Variants in DDX42 observed in about 807,000 individuals in gnomAD.
The protein encoded by DDX42 is DEAD-box helicase 42.
DDX42 carries 22 observed loss-of-function variants against 101.5 expected under a neutral mutation model. That is an observed-to-expected ratio of 0.22 (90% CI 0.15 to 0.31). The LOEUF (loss-of-function observed/expected upper bound fraction) is 0.31, where lower values mean the gene tolerates loss of function less well. Among genes scored for constraint, DDX42 ranks in the 10% least tolerant of loss-of-function variants. The pLI, the probability that DDX42 is intolerant of heterozygous loss-of-function variation, is 1.00. For missense variants in DDX42, 849 were observed against 1,199.9 expected, an observed-to-expected ratio of 0.71 and a Z score of 4.32; for synonymous variants, 402 against 401.2, an observed-to-expected ratio of 1.00 and a Z score of -0.02.
At chr17:63,809,449 T>G in intron 10 of DDX42, 111 bp from the exon 11 acceptor site, 1 of 787,924 alleles carries the variant, frequency 1.3e-6, no homozygotes, top group Admixed American at 2.2e-5. Context: ...GACCAGTATC[T>G]ATTACAGTCT....
At chr17:63,814,675 CTTTT>C (rs58211962) in intron 15 of DDX42, among the ~76,000 whole-genome samples, 5 of 90,456 alleles carry the variant, frequency 5.5e-5, no homozygotes, top group South Asian at 4.3e-4. Context: ...GAGACATTTG[CTTTT>C]TTTTTTTTTT....
At chr17:63,783,205 C>T (rs1222970571) in intron 1 of DDX42, among the ~76,000 whole-genome samples, 1 of 152,188 alleles carries the variant, frequency 6.6e-6, no homozygotes, top group East Asian at 1.9e-4. Flanking sequence ...ACTGTCTACT[C>T]CTTGAGAACA....
At position 63,807,868 on chromosome 17, in the gene DDX42, A is replaced by G. The variant is rs1419355723; in HGVS notation, c.991A>G (p.Ile331Val). ...LEPGDGPIAV[I>V]VCPTRELCQQ... ...ACCAGGTGATGGACCAATTGCAGTGATTGTGTGTCCTACCAGGGAGCTTTG... is the reference window on the plus strand; with the variant it reads ...ACCAGGTGATGGACCAATTGCAGTGGTTGTGTGTCCTACCAGGGAGCTTTG... The change falls in exon 9 of 18, where the codon ATT becomes GTT. Residue 331 changes from isoleucine (I) to valine (V), a missense_variant. Transcript: ENST00000389924. 6.2e-7 allele frequency: 1 copy of G among 1,613,890 alleles called. No homozygotes were observed. The highest frequency in any genetic ancestry group is 1.3e-5 in the African/African-American group (1 of 75,020).
intron 17 of DDX42, 70 bp downstream of exon 17, chr17:63,817,036 T>C: frequency 7.2e-7 from 1 of 1,383,550 alleles, no homozygotes; most frequent in Middle Eastern, 1.8e-4. Flanking sequence ...GGGGCTTAGT[T>C]TTCCTGGTTG....
chr17:63,797,228 G>A (rs981097535), intron 3 of DDX42, among the ~76,000 whole-genome samples: 5 of 151,736 alleles, frequency 3.3e-5, no homozygotes, highest in African/African-American at 7.3e-5. Flanking sequence ...GCTCATACCT[G>A]TAATCCCAGC....
At chr17:63,809,905 A>G (rs905123788) in intron 11 of DDX42, among the ~76,000 whole-genome samples, 3 of 152,118 alleles carry the variant, frequency 2.0e-5, no homozygotes, top group African/African-American at 7.2e-5. Flanking sequence ...CTCTGTCTTC[A>G]TTTTTATCCA....
In DDX42 at chr17:63,818,172, A is replaced by G. The variant is rs570187913; in HGVS notation, c.2591A>G (p.His864Arg). 3.1e-6 allele frequency: 5 copies of G among 1,613,994 alleles called. No individual in the cohort carries two copies. The highest frequency in any genetic ancestry group is 1.7e-5 in the Admixed American group (1 of 60,006). The part of the protein sequence containing the change: ...TDGHRHGENR[H>R]GGSAGRHGEN... ...GGCCATCGGCACGGGGAGAACAGACATGGAGGAAGCGCAGGCCGGCATGGG... is the reference window on the plus strand; with the variant it reads ...GGCCATCGGCACGGGGAGAACAGACGTGGAGGAAGCGCAGGCCGGCATGGG... Residue 864 changes from histidine (H) to arginine (R), a missense_variant, in exon 18 of 18, where the codon CAT becomes CGT. Physicochemically the swap from His to Arg is conservative, Grantham distance 29. Around this residue, in one of 5 missense-constraint regions of DDX42, gnomAD observed 300 missense variants for 304.9 expected, o/e 0.98. Coordinates refer to ENST00000389924, the MANE Select transcript of DDX42 (RefSeq NM_203499.3).
chr17:63,795,338 C>G (rs1490771386), intron 3 of DDX42, among the ~76,000 whole-genome samples: 1 of 152,138 alleles, frequency 6.6e-6, no homozygotes, highest in Non-Finnish European at 1.5e-5. Flanking sequence ...CACCATTTGT[C>G]ATTTCTCTTG....
intron 13 of DDX42, chr17:63,811,437 T>TA (rs1598341895): frequency 2.6e-6 from 1 of 388,644 alleles, no homozygotes; most frequent in Non-Finnish European, 4.6e-6. Flanking sequence ...TCTCAAAACT[T>TA]ACAATTGTTT....
chr17:63,786,300 A>G (rs923255577), intron 1 of DDX42, among the ~76,000 whole-genome samples: 2 of 151,974 alleles, frequency 1.3e-5, no homozygotes, highest in African/African-American at 4.8e-5. Context: ...TACAGTGGCT[A>G]TTCACAGGCA....
chr17:63,809,015 C>T (rs1007229329), intron 10 of DDX42, 67 bp downstream of exon 10: 5 of 1,579,658 alleles, frequency 3.2e-6, no homozygotes, highest in Admixed American at 1.8e-5. Context: ...ATTAGTTTTG[C>T]AGAGAATTTC....
intron 16 of DDX42, 141 bp downstream of exon 16, chr17:63,815,814 A>T: frequency 2.1e-6 from 1 of 482,534 alleles, no homozygotes; most frequent in South Asian, 3.4e-5. Context: ...ATCTGATTTG[A>T]GTCAATGCAG....
At chr17:63,780,316 A>G (rs1423914475) in intron 1 of DDX42, among the ~76,000 whole-genome samples, 7 of 151,476 alleles carry the variant, frequency 4.6e-5, no homozygotes, top group Non-Finnish European at 1.0e-4. Flanking sequence ...AAAAAAAAAA[A>G]GTAGGAAAAA....
At chr17:63,801,391 T>C (rs749408440) in intron 6 of DDX42, among the ~76,000 whole-genome samples, 9 of 152,064 alleles carry the variant, frequency 5.9e-5, no homozygotes, top group Non-Finnish European at 1.2e-4. Flanking sequence ...CGTTTTGGCC[T>C]GTGTTTACTG....
intron 2 of DDX42, among the ~76,000 whole-genome samples, chr17:63,788,510 G>A (rs1278841882): frequency 6.6e-6 from 1 of 151,180 alleles, no homozygotes; most frequent in East Asian, 2.0e-4. Flanking sequence ...GTTTCACCGT[G>A]TTAGCCACAA....
Position 63,792,492 on chromosome 17 carries a change from A to G in DDX42, c.302A>G (p.Gln101Arg). The change falls in exon 3 of 18, where the codon CAA (glutamine) becomes CGA (arginine). Residue 101 changes from glutamine to arginine, a missense_variant. This residue lies in a region of DDX42 where 370 missense variants were observed against 608.8 expected (regional missense o/e 0.61). Coordinates refer to ENST00000389924, the MANE Select transcript of DDX42 (RefSeq NM_203499.3). ...GCTGAAAACTCACCAACTCGCCAGCAATTCCATTCCAAGCCAGTAGATTCT... is the reference window on the plus strand; with the variant it reads ...GCTGAAAACTCACCAACTCGCCAGCGATTCCATTCCAAGCCAGTAGATTCT... Reference protein sequence around the residue: ...IPAENSPTRQQFHSKPVDSDS... With the variant: ...IPAENSPTRQRFHSKPVDSDS... 1 of 1,613,976 alleles carries G rather than the reference A, an allele frequency of 6.2e-7. No homozygotes were observed.
At chr17:63,781,562 A>G (rs188765500) in intron 1 of DDX42, among the ~76,000 whole-genome samples, 3 of 152,092 alleles carry the variant, frequency 2.0e-5, no homozygotes, top group South Asian at 2.1e-4. Context: ...TTTTCTGCCT[A>G]TAGAGCTTCT....
Position 63,817,898 on chromosome 17 carries a change from A to G in DDX42, c.2317A>G (p.Ser773Gly). The stretch of plus-strand genomic sequence containing the variant: ...AGGCTTTGGCAATACTGGCAACATC[A>G]GTGGTGCCCCTGTGACCTACCCGTC... ...IPGFGNTGNISGAPVTYPSAG... is the reference protein window; with the variant it reads ...IPGFGNTGNIGGAPVTYPSAG... Residue 773 changes from serine to glycine, a missense_variant, in exon 18 of 18, where the codon AGT becomes GGT. By Grantham distance (56) the Ser-to-Gly change is moderately conservative. This residue lies in a region of DDX42 where 300 missense variants were observed against 304.9 expected (regional missense o/e 0.98). Coordinates refer to ENST00000389924, the MANE Select transcript of DDX42 (RefSeq NM_203499.3). 3.7e-6 allele frequency: 6 copies of G among 1,614,190 alleles called. No individual in the cohort carries two copies. The highest frequency in any genetic ancestry group is 4.2e-6 in the Non-Finnish European group (5 of 1,180,026).
chr17:63,777,034 G>A (rs2039429331), intron 1 of DDX42, among the ~76,000 whole-genome samples: 1 of 152,108 alleles, frequency 6.6e-6, no homozygotes, highest in Non-Finnish European at 1.5e-5. Context: ...AGCCTCCTGA[G>A]CAGCTAGGAC....
Sources: gnomAD v4.1 joint callset for allele counts (sites outside exome capture counted in the v4.1 genomes callset) on GRCh38, gnomAD v4.1.1 for gene constraint, gnomAD v4.1.1 regional missense constraint, MANE v1.5 for transcripts, NCBI Gene and HGNC (gene_info 2026-07-23, HGNC 2026-07-21) for gene names.